WDR27: variants seen among roughly 807,000 people sequenced by gnomAD.
The protein encoded by WDR27 is WD repeat domain 27.
A neutral mutation model predicts 114.4 loss-of-function variants in WDR27; 100 were observed. The observed-to-expected ratio is 0.87, with a 90% CI of 0.74 to 1.03. WDR27 has a LOEUF of 1.03. Among genes scored for constraint, WDR27 ranks in the 50% least tolerant of loss-of-function variants. The pLI is 0.00. For missense variants in WDR27, 1,129 were observed against 1,092.9 expected (o/e 1.03, Z -0.47); for synonymous variants, 449 against 423.1 (o/e 1.06, Z -0.75).
intron 23 of WDR27, among the ~76,000 whole-genome samples, chr6:169,585,903 GACATTTTTGCTTTTTCATTTCTCTAA>G (rs1804459830): frequency 6.6e-6 from 1 of 152,132 alleles, no homozygotes; most frequent in African/African-American, 2.4e-5. Flanking sequence ...TTTTCTGCCT[GACATTTTTGCTTTTTCATTTCTCTAA>G]ACATTTTTCC....
At chr6:169,537,914 T>C (rs555193767) in intron 25 of WDR27, among the ~76,000 whole-genome samples, 1 of 152,310 alleles carries the variant, frequency 6.6e-6, no homozygotes, top group South Asian at 2.1e-4. Context: ...AATAAAGTTG[T>C]TTAAAAATAT....
chr6:169,630,220 C>T (rs1815998719), intron 21 of WDR27, among the ~76,000 whole-genome samples: 1 of 152,212 alleles, frequency 6.6e-6, no homozygotes, highest in African/African-American at 2.4e-5. Flanking sequence ...ATTTTAAATA[C>T]TACTTGTCAA....
chr6:169,665,285 T>C, intron 7 of WDR27: 1 of 1,346,702 alleles, frequency 7.4e-7, no homozygotes. Flanking sequence ...ACCCAGCTCC[T>C]CCGCAGACCA....
intron 16 of WDR27, chr6:169,647,532 G>C (rs1288696319): frequency 5.2e-5 from 31 of 593,566 alleles, no homozygotes; most frequent in Non-Finnish European, 7.9e-5. Context: ...CGCTGCTAGT[G>C]AGTGAGTGCC....
chr6:169,462,568 G>A (rs1338842219), intron 25 of WDR27, among the ~76,000 whole-genome samples: 1 of 152,070 alleles, frequency 6.6e-6, no homozygotes, highest in Non-Finnish European at 1.5e-5. Context: ...ATCTGAAGAA[G>A]AATTAACACC....
intron 25 of WDR27, among the ~76,000 whole-genome samples, chr6:169,509,642 A>C (rs1477457975): frequency 6.6e-6 from 1 of 151,896 alleles, no homozygotes; most frequent in African/African-American, 2.4e-5. Flanking sequence ...AGATGGATTA[A>C]AGACTTACAT....
intron 24 of WDR27, among the ~76,000 whole-genome samples, chr6:169,578,891 T>C (rs552816887): frequency 1.5e-4 from 23 of 152,288 alleles, no homozygotes; most frequent in African/African-American, 5.3e-4. Flanking sequence ...GATAGACACC[T>C]GTGTTATGAA....
intron 24 of WDR27, among the ~76,000 whole-genome samples, chr6:169,576,596 A>G (rs899956083): frequency 1.3e-5 from 2 of 152,104 alleles, no homozygotes; most frequent in Non-Finnish European, 2.9e-5. Context: ...CCCCATCTCT[A>G]TTAAAAATAA....
At chr6:169,596,540 C>T (rs909086646) in intron 23 of WDR27, among the ~76,000 whole-genome samples, 9 of 151,854 alleles carry the variant, frequency 5.9e-5, no homozygotes, top group African/African-American at 2.2e-4. Context: ...TTAGTTTTCA[C>T]CTGTTTAGCA....
chr6:169,656,664 A>G (rs951933121), intron 13 of WDR27, among the ~76,000 whole-genome samples: 10 of 151,982 alleles, frequency 6.6e-5, no homozygotes, highest in Non-Finnish European at 1.3e-4. Flanking sequence ...CAGGAGGAGG[A>G]GGCTGGGATG....
intron 25 of WDR27, among the ~76,000 whole-genome samples, chr6:169,486,125 C>T (rs1788850214): frequency 6.6e-6 from 1 of 151,570 alleles, no homozygotes; most frequent in Non-Finnish European, 1.5e-5. Flanking sequence ...TATAATAAAT[C>T]TGCACATGTA....
At chr6:169,560,505 G>A (rs1562584207) in intron 25 of WDR27, among the ~76,000 whole-genome samples, 1 of 152,238 alleles carries the variant, frequency 6.6e-6, no homozygotes, top group African/African-American at 2.4e-5. Flanking sequence ...AGGCCAGTGT[G>A]CAGGGAGGCT....
At chr6:169,643,969 C>T (rs1819823744) in intron 16 of WDR27, among the ~76,000 whole-genome samples, 183 bp from the exon 17 acceptor site, 1 of 151,894 alleles carries the variant, frequency 6.6e-6, no homozygotes, top group African/African-American at 2.4e-5. Context: ...AGGAGTCACA[C>T]TGTAGAAAAC....
At chr6:169,634,966 C>T (rs1488543888) in intron 19 of WDR27, among the ~76,000 whole-genome samples, 1 of 152,164 alleles carries the variant, frequency 6.6e-6, no homozygotes, top group Non-Finnish European at 1.5e-5. Flanking sequence ...AAAGAGGAGG[C>T]AGGAACAAGA....
At chr6:169,637,913 TTACA>T (rs1046407527) in intron 18 of WDR27, among the ~76,000 whole-genome samples, 1 of 151,502 alleles carries the variant, frequency 6.6e-6, no homozygotes, top group African/African-American at 2.4e-5. Context: ...CGTGTGCCTC[TTACA>T]TGCATGTGAA....
At chr6:169,428,197 G>A in the WDR27 span, among the ~76,000 whole-genome samples, 1 of 152,090 alleles carries the variant, frequency 6.6e-6, no homozygotes, top group Non-Finnish European at 1.5e-5. Context: ...TTTCCCACAT[G>A]CATTTTCTCC....
chr6:169,442,356 C>A, the WDR27 span, among the ~76,000 whole-genome samples: 1 of 152,154 alleles, frequency 6.6e-6, no homozygotes, highest in Non-Finnish European at 1.5e-5. Context: ...TTTACACATG[C>A]CTGTTAATGT....
At chr6:169,500,986 C>A (rs1301232870) in intron 25 of WDR27, among the ~76,000 whole-genome samples, 4 of 152,198 alleles carry the variant, frequency 2.6e-5, no homozygotes, top group African/African-American at 9.7e-5. Flanking sequence ...AGGTCAGAGG[C>A]CGGGATTCTC....
intron 25 of WDR27, among the ~76,000 whole-genome samples, chr6:169,522,762 T>TA (rs1386082636): frequency 6.6e-6 from 1 of 151,718 alleles, no homozygotes; most frequent in Non-Finnish European, 1.5e-5. Context: ...AAAAATATCT[T>TA]AAAAAAATAA....
Sources: gnomAD v4.1 joint callset for allele counts (sites outside exome capture counted in the v4.1 genomes callset) on GRCh38, gnomAD v4.1.1 for gene constraint, MANE v1.5 for transcripts, NCBI Gene and HGNC (gene_info 2026-07-23, HGNC 2026-07-21) for gene names.